CYP2J2: variants seen among roughly 807,000 people sequenced by gnomAD.
CYP2J2 encodes cytochrome P450 family 2 subfamily J member 2, also known as cytochrome P450 2J2.
CYP2J2 carries 41 observed loss-of-function variants against 48.8 expected under a neutral mutation model. The observed-to-expected ratio is 0.84, with a 90% CI of 0.66 to 1.09. The LOEUF (loss-of-function observed/expected upper bound fraction) is 1.09, where lower values mean the gene tolerates loss of function less well. Among genes scored for constraint, CYP2J2 ranks in the 50% least tolerant of loss-of-function variants. The probability of loss-of-function intolerance (pLI) is 0.00; values close to 1 mark genes in which losing one functional copy is unlikely to be tolerated. For missense variants in CYP2J2, 644 were observed against 617.3 expected (o/e 1.04, Z -0.46); for synonymous variants, 221 against 227.1 (o/e 0.97, Z 0.24).
intron 4 of CYP2J2, among the ~76,000 whole-genome samples, chr1:59,910,323 A>G (rs559154501): frequency 6.6e-6 from 1 of 152,324 alleles, no homozygotes; most frequent in South Asian, 2.1e-4. Flanking sequence ...TTTTAGAAAT[A>G]TATGCTGAAA....
At chr1:59,931,264 G>C (rs1168659363), upstream of CYP2J2, among the ~76,000 whole-genome samples, 1 of 152,080 alleles carries the variant, frequency 6.6e-6, no homozygotes, top group Non-Finnish European at 1.5e-5. Context: ...TATTTAAGCT[G>C]TAATTGACAA....
At chr1:59,941,869 A>G in the CYP2J2 span, among the ~76,000 whole-genome samples, 3 of 152,212 alleles carry the variant, frequency 2.0e-5, no homozygotes, top group African/African-American at 7.2e-5. Context: ...AAGTTCAACA[A>G]ATTTAAAAGT....
chr1:59,896,961 T>C (rs537307639), intron 8 of CYP2J2, among the ~76,000 whole-genome samples: 1 of 152,384 alleles, frequency 6.6e-6, no homozygotes, highest in East Asian at 1.9e-4. Context: ...TTTTCCCATG[T>C]AATTTAATAT....
upstream of CYP2J2, among the ~76,000 whole-genome samples, chr1:59,930,019 G>A (rs1392286013): frequency 2.6e-5 from 4 of 152,062 alleles, no homozygotes; most frequent in East Asian, 5.8e-4. Flanking sequence ...AGCAGCATGA[G>A]AGAAATAGTT....
At chr1:59,926,445 A>G (rs1644564792) in intron 1 of CYP2J2, 92 bp downstream of exon 1, 1 of 1,101,516 alleles carries the variant, frequency 9.1e-7, no homozygotes, top group African/African-American at 1.5e-5. Flanking sequence ...CCTGCCCTTC[A>G]TCCCCCACCC....
chr1:59,916,160 A>T, intron 1 of CYP2J2, 60 bp from the exon 2 acceptor site: 2 of 1,450,044 alleles, frequency 1.4e-6, no homozygotes, highest in South Asian at 1.2e-5. Flanking sequence ...TCAGAAATGG[A>T]GGATGTGTGT....
the CYP2J2 span, among the ~76,000 whole-genome samples, chr1:59,963,690 C>G: frequency 6.6e-6 from 1 of 152,040 alleles, no homozygotes; most frequent in African/African-American, 2.4e-5. Flanking sequence ...ACTGAGACAC[C>G]ATCTTGAAAT....
At chr1:59,934,989 GATATATATATATATATATATAT>G in the CYP2J2 span, among the ~76,000 whole-genome samples, 2 of 58,390 alleles carry the variant, frequency 3.4e-5, no homozygotes, top group African/African-American at 5.4e-5. Context: ...AAGAAAATGG[GATATATATATATATATATATAT>G]ATACATATAT....
chr1:59,900,463 T>C (rs1476757937), intron 8 of CYP2J2, among the ~76,000 whole-genome samples: 2 of 152,106 alleles, frequency 1.3e-5, no homozygotes, highest in East Asian at 3.9e-4. Flanking sequence ...TGAAACCTCG[T>C]CTCTACTAAA....
At chr1:59,950,874 G>A in the CYP2J2 span, among the ~76,000 whole-genome samples, 2 of 152,190 alleles carry the variant, frequency 1.3e-5, no homozygotes, top group African/African-American at 4.8e-5. Context: ...CAGTGGTCTA[G>A]CTGGAATTCT....
intron 1 of CYP2J2, among the ~76,000 whole-genome samples, chr1:59,917,723 G>A (rs960764879): frequency 2.0e-5 from 3 of 152,214 alleles, no homozygotes; most frequent in East Asian, 1.9e-4. Flanking sequence ...GTATGGTCAC[G>A]AATCAAAATC....
the CYP2J2 span, among the ~76,000 whole-genome samples, chr1:59,934,063 A>T: frequency 6.6e-6 from 1 of 152,192 alleles, no homozygotes; most frequent in Admixed American, 6.5e-5. Context: ...AACAGAATAG[A>T]CAGCCCAGAA....
At chr1:59,946,764 A>G in the CYP2J2 span, among the ~76,000 whole-genome samples, 1 of 152,220 alleles carries the variant, frequency 6.6e-6, no homozygotes, top group South Asian at 2.1e-4. Context: ...TAGAGTTTAC[A>G]CATAACAAAA....
chr1:59,952,815 G>A, the CYP2J2 span, among the ~76,000 whole-genome samples: 3 of 152,180 alleles, frequency 2.0e-5, no homozygotes, highest in African/African-American at 4.8e-5. Context: ...TGGAGATATA[G>A]CAGCCAGCAA....
At chr1:59,955,169 A>ATAAATAAATAAATAAT in the CYP2J2 span, among the ~76,000 whole-genome samples, 1 of 147,752 alleles carries the variant, frequency 6.8e-6, no homozygotes, top group African/African-American at 2.5e-5. Flanking sequence ...AAATAAATAA[A>ATAAATAAATAAATAAT]TAATTAAAAA....
chr1:59,956,623 C>A, the CYP2J2 span, among the ~76,000 whole-genome samples: 718 of 152,282 alleles, frequency 4.7e-3, 4 homozygotes, highest in African/African-American at 0.016. Context: ...TTAATTCCAA[C>A]TTACTTTACC....
chr1:59,898,098 G>T (rs970047887), intron 8 of CYP2J2, among the ~76,000 whole-genome samples: 1 of 152,190 alleles, frequency 6.6e-6, no homozygotes, highest in Non-Finnish European at 1.5e-5. Flanking sequence ...GAGATGGTAA[G>T]AACAAAGCAG....
At chr1:59,898,404 A>C (rs1644287916) in intron 8 of CYP2J2, among the ~76,000 whole-genome samples, 1 of 152,198 alleles carries the variant, frequency 6.6e-6, no homozygotes, top group African/African-American at 2.4e-5. Flanking sequence ...CCAGGTGAAG[A>C]TATCCTATAT....
the CYP2J2 span, among the ~76,000 whole-genome samples, chr1:59,955,408 A>G: frequency 2.0e-5 from 3 of 151,734 alleles, no homozygotes; most frequent in Non-Finnish European, 4.4e-5. Flanking sequence ...CTAGAAATTA[A>G]TCATTTAATA....
Sources: gnomAD v4.1 joint callset for allele counts (sites outside exome capture counted in the v4.1 genomes callset) on GRCh38, gnomAD v4.1.1 for gene constraint, MANE v1.5 for transcripts, NCBI Gene and HGNC (gene_info 2026-07-23, HGNC 2026-07-21) for gene names.